The following TUSC3 variants were observed in gnomAD, a reference collection of about 807,000 sequenced individuals.
TUSC3 encodes dolichyl-diphosphooligosaccharide--protein glycosyltransferase subunit TUSC3.
TUSC3 carries 45 observed loss-of-function variants against 44.8 expected under a neutral mutation model. That is an observed-to-expected ratio of 1.00 (90% CI 0.79 to 1.29). The LOEUF (loss-of-function observed/expected upper bound fraction) is 1.29. Ranked by LOEUF, TUSC3 falls within the 50% of genes most tolerant of loss-of-function variation. The pLI is 0.00. For synonymous variants in TUSC3, 212 were observed against 152.9 expected, an observed-to-expected ratio of 1.39 and a Z score of -2.85; for missense variants, 519 against 437.9, an observed-to-expected ratio of 1.19 and a Z score of -1.65.
chr8:15,742,913 T>G (rs1811255434), intron 7 of TUSC3, among the ~76,000 whole-genome samples: 1 of 152,244 alleles, frequency 6.6e-6, no homozygotes, highest in South Asian at 2.1e-4. Flanking sequence ...ATATCCATCC[T>G]GTTGCAAGCA....
At chr8:15,717,399 T>C (rs1290118139) in intron 6 of TUSC3, among the ~76,000 whole-genome samples, 1 of 152,058 alleles carries the variant, frequency 6.6e-6, no homozygotes, top group African/African-American at 2.4e-5. Flanking sequence ...AGAGACTGCT[T>C]TTACTGAAAT....
chr8:15,689,414 G>A (rs979086019), intron 6 of TUSC3: 4 of 195,076 alleles, frequency 2.1e-5, no homozygotes, highest in Non-Finnish European at 4.3e-5. Flanking sequence ...AGGCGACCTT[G>A]TTGTTCTTGA....
chr8:15,754,242 TG>T (rs1811826470), intron 9 of TUSC3, among the ~76,000 whole-genome samples: 1 of 152,124 alleles, frequency 6.6e-6, no homozygotes, highest in Non-Finnish European at 1.5e-5. Context: ...CATTTGTAGA[TG>T]TCCATTTTCT....
chr8:15,642,531 G>A (rs528922607), intron 2 of TUSC3, among the ~76,000 whole-genome samples: 1 of 152,086 alleles, frequency 6.6e-6, no homozygotes, highest in African/African-American at 2.4e-5. Context: ...CTGTAATCTT[G>A]TGTCTACCTT....
chr8:15,731,178 G>A lies in TUSC3; in HGVS notation c.862+449G>A, dbSNP rs1373893768. ...ACATGCCTTTTTGGAACATATCAGA[G>A]TGAGTCAGACTAAGTGTTGTGAATC... On this transcript the variant is annotated intron_variant, in intron 7 of 10. Coordinates refer to ENST00000503731, the MANE Select transcript of TUSC3 (RefSeq NM_006765.4). Among the ~76,000 whole-genome samples the A allele has an allele frequency of 3.9e-5, 6 of 152,234 alleles. No homozygotes were observed. In the East Asian group the frequency reaches 9.7e-4, roughly 24 times the overall value.
At chr8:15,684,501 C>T (rs116979818) in intron 6 of TUSC3, among the ~76,000 whole-genome samples, 3,149 of 152,234 alleles carry the variant, frequency 0.021, 43 homozygotes, top group East Asian at 0.044. Flanking sequence ...CAGGCCCAAC[C>T]GGCTAAGCTT....
chr8:15,434,644 T>G (rs1799921972), intron 1 of TUSC3, among the ~76,000 whole-genome samples: 1 of 151,908 alleles, frequency 6.6e-6, no homozygotes, highest in Non-Finnish European at 1.5e-5. Context: ...ACTCGTCATT[T>G]AGCATTAGGT....
chr8:15,422,429 G>T (rs911146866), intron 1 of TUSC3, among the ~76,000 whole-genome samples: 8 of 152,154 alleles, frequency 5.3e-5, no homozygotes, highest in African/African-American at 1.9e-4. Flanking sequence ...GACCGGCAGA[G>T]TAGGTGGCAG....
At chr8:15,822,540 C>A in the TUSC3 span, among the ~76,000 whole-genome samples, 2 of 152,094 alleles carry the variant, frequency 1.3e-5, no homozygotes, top group Non-Finnish European at 2.9e-5. Context: ...CCAGGTCTTG[C>A]TGATGCTGCT....
intron 1 of TUSC3, among the ~76,000 whole-genome samples, chr8:15,603,314 C>T (rs192566369): frequency 6.4e-4 from 97 of 151,678 alleles, no homozygotes; most frequent in Non-Finnish European, 1.3e-3. Flanking sequence ...TATTGAGATG[C>T]TATTTGTTAC....
At chr8:15,492,173 G>A (rs1308089019) in intron 2 of TUSC3, among the ~76,000 whole-genome samples, 13 of 152,156 alleles carry the variant, frequency 8.5e-5, no homozygotes, top group Non-Finnish European at 1.8e-4. Context: ...GATATGTGCA[G>A]GGGGTTGTGG....
At chr8:15,710,837 T>C (rs1182528910) in intron 6 of TUSC3, among the ~76,000 whole-genome samples, 1 of 147,724 alleles carries the variant, frequency 6.8e-6, no homozygotes, top group Non-Finnish European at 1.5e-5. Context: ...TAAATATATA[T>C]ATATTCACTT....
chr8:15,682,922 T>A (rs1301996768), intron 6 of TUSC3, among the ~76,000 whole-genome samples: 1 of 152,068 alleles, frequency 6.6e-6, no homozygotes, highest in African/African-American at 2.4e-5. Flanking sequence ...TAGTTTGGCA[T>A]GAGATGCAAT....
the TUSC3 span, among the ~76,000 whole-genome samples, chr8:15,785,659 C>A: frequency 6.6e-6 from 1 of 152,038 alleles, no homozygotes. Flanking sequence ...ATGCCCCTGC[C>A]TCCTACACAC....
intron 1 of TUSC3, among the ~76,000 whole-genome samples, chr8:15,470,728 G>A (rs1288624748): frequency 1.3e-5 from 2 of 152,102 alleles, no homozygotes; most frequent in African/African-American, 4.8e-5. Flanking sequence ...TGTCTCAGTG[G>A]AGTTGGCATT....
chr8:15,516,465 T>C (rs557258421), intron 2 of TUSC3, among the ~76,000 whole-genome samples: 2 of 152,210 alleles, frequency 1.3e-5, no homozygotes, highest in African/African-American at 2.4e-5. Context: ...GATACATACA[T>C]AGGTTCTTGA....
At chr8:15,486,755 A>G (rs1039940445) in intron 2 of TUSC3, among the ~76,000 whole-genome samples, 4 of 151,834 alleles carry the variant, frequency 2.6e-5, no homozygotes, top group Admixed American at 1.3e-4. Flanking sequence ...CTCTCCCACA[A>G]TTTTCTAAGG....
chr8:15,674,468 G>A (rs1406709884), intron 6 of TUSC3, among the ~76,000 whole-genome samples: 6 of 151,880 alleles, frequency 4.0e-5, no homozygotes, highest in African/African-American at 9.6e-5. Flanking sequence ...ACAGTTTTTC[G>A]TTTTTTCTCT....
chr8:15,844,866 C>G, the TUSC3 span, among the ~76,000 whole-genome samples: 4 of 152,088 alleles, frequency 2.6e-5, no homozygotes, highest in African/African-American at 9.7e-5. Context: ...AATGTGGCAG[C>G]ATGAATATGT....
Sources: allele counts gnomAD v4.1 joint callset (sites outside exome capture counted in the v4.1 genomes callset), GRCh38; gene constraint gnomAD v4.1.1; transcripts MANE v1.5; gene names NCBI Gene and HGNC (gene_info 2026-07-23, HGNC 2026-07-21).